MSN: variants seen among roughly 807,000 people sequenced by gnomAD.
MSN encodes the protein moesin.
A neutral mutation model predicts 48.0 loss-of-function variants in MSN; 2 were observed. The ratio of observed to expected loss-of-function variants is 0.04; its 90% confidence interval spans 0.02 to 0.13. MSN has a LOEUF of 0.13. MSN is among the 10% of genes least tolerant of loss of function. The pLI is 1.00. For missense variants in MSN, 267 were observed against 470.1 expected (o/e 0.57, Z 3.99); for synonymous variants, 146 against 166.9 (o/e 0.87, Z 0.97).
chrX:65,607,856 C>T (rs756002556), intron 1 of MSN, among the ~76,000 whole-genome samples: 22 of 111,834 alleles, frequency 2.0e-4, no homozygotes, highest in African/African-American at 7.2e-4. Context: ...GGCGTGGTGA[C>T]ACATGCTTGT....
intron 1 of MSN, among the ~76,000 whole-genome samples, chrX:65,616,960 A>G (rs1297632319): frequency 9.1e-6 from 1 of 110,439 alleles, no homozygotes. Flanking sequence ...ATCTATTGAG[A>G]TAATCATGTG....
intron 1 of MSN, among the ~76,000 whole-genome samples, chrX:65,631,389 C>T (rs991897370): frequency 5.5e-5 from 6 of 110,020 alleles, no homozygotes; most frequent in Non-Finnish European, 9.4e-5. Flanking sequence ...CCACCGTGCC[C>T]AGCCCCCTAC....
chrX:65,685,534 T>G (rs774691376), intron 1 of MSN, among the ~76,000 whole-genome samples: 2 of 112,304 alleles, frequency 1.8e-5, no homozygotes, highest in African/African-American at 6.5e-5. Flanking sequence ...CCGATGGTAG[T>G]GGGTTACCGA....
chrX:65,632,025 A>G (rs1002510365), intron 1 of MSN, among the ~76,000 whole-genome samples: 1 of 112,103 alleles, frequency 8.9e-6, no homozygotes, highest in Non-Finnish European at 1.9e-5. Flanking sequence ...GCATTCCTGT[A>G]CAGGTTTTCT....
intron 1 of MSN, among the ~76,000 whole-genome samples, chrX:65,671,994 A>G (rs890513038): frequency 1.8e-5 from 2 of 112,441 alleles, no homozygotes; most frequent in Non-Finnish European, 3.8e-5. Context: ...GGAGCTGGAA[A>G]GGACATTTGG....
chrX:65,706,367 T>C (rs1281516612), intron 1 of MSN, among the ~76,000 whole-genome samples: 1 of 111,444 alleles, frequency 9.0e-6, no homozygotes, highest in East Asian at 2.8e-4. Context: ...TGGGATTGCG[T>C]TGGTAGGGCA....
At chrX:65,594,355 T>C (rs1177193824) in intron 1 of MSN, among the ~76,000 whole-genome samples, 1 of 109,199 alleles carries the variant, frequency 9.2e-6, no homozygotes, top group African/African-American at 3.4e-5. Flanking sequence ...AATTTCCAAA[T>C]AAAAGTAGAG....
chrX:65,732,102 T>C, intron 6 of MSN, 118 bp downstream of exon 6: 1 of 790,019 alleles, frequency 1.3e-6, no homozygotes, highest in Non-Finnish European at 1.8e-6. Flanking sequence ...CTACCTAATT[T>C]AGTCCAGCCC....
chrX:65,664,905 A>G (rs759097208), upstream of MSN, among the ~76,000 whole-genome samples: 248 of 109,504 alleles, frequency 2.3e-3, no homozygotes, highest in Middle Eastern at 4.7e-3. Context: ...ACATGCCACC[A>G]CACCCAGCTA....
chrX:65,683,195 C>G (rs960609856), intron 1 of MSN, among the ~76,000 whole-genome samples: 8 of 111,661 alleles, frequency 7.2e-5, no homozygotes, highest in Non-Finnish European at 1.3e-4. Flanking sequence ...ATGGCATGGC[C>G]AGCAGGCAGG....
intron 1 of MSN, among the ~76,000 whole-genome samples, chrX:65,591,678 C>G (rs966095340): frequency 1.8e-5 from 2 of 112,099 alleles, no homozygotes; most frequent in African/African-American, 6.5e-5. Flanking sequence ...AGGGAACACC[C>G]TGAAGGAAGG....
intron 2 of MSN, among the ~76,000 whole-genome samples, chrX:65,725,064 A>G (rs1035356005): frequency 2.3e-4 from 26 of 112,212 alleles, no homozygotes; most frequent in Non-Finnish European, 4.3e-4. Flanking sequence ...TCCTAATTGT[A>G]GTGGCTGTAA....
chrX:65,679,865 C>T (rs2071037195), intron 1 of MSN, among the ~76,000 whole-genome samples: 2 of 112,433 alleles, frequency 1.8e-5, no homozygotes, highest in Middle Eastern at 4.6e-3. Flanking sequence ...GAAACAAGTT[C>T]CTTGGGCATC....
At chrX:65,737,616 A>C (rs1308767538) in intron 10 of MSN, among the ~76,000 whole-genome samples, 3 of 112,170 alleles carry the variant, frequency 2.7e-5, no homozygotes, top group Non-Finnish European at 5.6e-5. Context: ...AGAAAAGAAC[A>C]AAAGGGACTC....
intron 1 of MSN, among the ~76,000 whole-genome samples, chrX:65,634,883 C>G (rs1235527364): frequency 9.0e-6 from 1 of 111,134 alleles, no homozygotes; most frequent in Non-Finnish European, 1.9e-5. Flanking sequence ...TCTGTTATGG[C>G]CCCTGGGAGC....
At chrX:65,646,672 G>A (rs938338728) in intron 1 of MSN, among the ~76,000 whole-genome samples, 4 of 112,262 alleles carry the variant, frequency 3.6e-5, no homozygotes, top group Non-Finnish European at 7.5e-5. Flanking sequence ...ATGGCCGGGC[G>A]TGGTGGCTCA....
chrX:65,715,265 C>A (rs1310857963), intron 1 of MSN, among the ~76,000 whole-genome samples: 1 of 111,591 alleles, frequency 9.0e-6, no homozygotes, highest in Non-Finnish European at 1.9e-5. Context: ...ATGCCTCCAG[C>A]TTTGTTCTTT....
chrX:65,625,712 C>T (rs1023226650), intron 1 of MSN: 4 of 111,725 alleles, frequency 3.6e-5, no homozygotes, highest in Non-Finnish European at 7.5e-5. Context: ...TGTTTTCTAA[C>T]TATCCTGCCA....
chrX:65,636,447 G>GA (rs1370424716), intron 1 of MSN, among the ~76,000 whole-genome samples: 1 of 111,132 alleles, frequency 9.0e-6, no homozygotes, highest in Non-Finnish European at 1.9e-5. Context: ...ATAGAGAAAT[G>GA]AAAAGCAGGC....
Sources: allele counts gnomAD v4.1 joint callset (sites outside exome capture counted in the v4.1 genomes callset), GRCh38; gene constraint gnomAD v4.1.1; transcripts MANE v1.5; gene names NCBI Gene and HGNC (gene_info 2026-07-23, HGNC 2026-07-21).